The following ARID1B variants were observed in gnomAD, a reference collection of about 807,000 sequenced individuals.
The protein encoded by ARID1B is AT-rich interactive domain-containing protein 1B.
Under a neutral mutation model 212.3 loss-of-function variants are expected in ARID1B, and 30 were observed. The observed-to-expected ratio is 0.14, with a 90% confidence interval of 0.11 to 0.19. The LOEUF (loss-of-function observed/expected upper bound fraction) is 0.19. Ranked by LOEUF, ARID1B falls within the 10% of genes least tolerant of loss-of-function variation. The probability of loss-of-function intolerance (pLI) is 1.00; values close to 1 mark genes in which losing one functional copy is unlikely to be tolerated. For synonymous variants in ARID1B, 1,402 were observed against 1,301.7 expected (o/e 1.08, Z -1.66); for missense variants, 2,891 against 3,204.0 (o/e 0.90, Z 2.36).
intron 18 of ARID1B, among the ~76,000 whole-genome samples, chr6:157,202,896 G>T (rs1398026489): frequency 6.6e-6 from 1 of 152,000 alleles, no homozygotes; most frequent in African/African-American, 2.4e-5. Flanking sequence ...GTGTTTATGT[G>T]TGTATATGTA....
chr6:157,180,907 C>A (rs2128316199), intron 11 of ARID1B, 62 bp from the exon 12 acceptor site: 1 of 1,436,588 alleles, frequency 7.0e-7, no homozygotes, highest in Non-Finnish European at 9.6e-7. Context: ...TTTTTTCTCA[C>A]CTTCTTCCCT....
intron 15 of ARID1B, 47 bp from the exon 16 acceptor site, chr6:157,196,118 A>T (rs2128355455): frequency 6.3e-7 from 1 of 1,599,254 alleles, no homozygotes; most frequent in Non-Finnish European, 8.5e-7. Flanking sequence ...TGGGCCTTTG[A>T]CTTTCAGAAA....
chr6:156,785,009 C>T (rs1362372137), intron 1 of ARID1B, among the ~76,000 whole-genome samples: 1 of 152,176 alleles, frequency 6.6e-6, no homozygotes, highest in Admixed American at 6.5e-5. Context: ...ATCCACCCTC[C>T]TCGGCCTCCC....
At chr6:157,125,318 G>T (rs1178384529) in intron 6 of ARID1B, among the ~76,000 whole-genome samples, 5 of 152,200 alleles carry the variant, frequency 3.3e-5, no homozygotes, top group African/African-American at 1.2e-4. Flanking sequence ...AGGGCAGGAA[G>T]TCGTCAATGC....
chr6:156,814,314 G>T (rs1781814112), intron 1 of ARID1B, among the ~76,000 whole-genome samples: 1 of 152,068 alleles, frequency 6.6e-6, no homozygotes, highest in Non-Finnish European at 1.5e-5. Flanking sequence ...AGCTACTATG[G>T]GGGCTGAGGT....
intron 1 of ARID1B, among the ~76,000 whole-genome samples, chr6:156,782,303 T>G (rs979375216): frequency 9.9e-5 from 15 of 152,046 alleles, no homozygotes; most frequent in Non-Finnish European, 1.8e-4. Flanking sequence ...GGAAATAGTT[T>G]CTATTGGGTG....
At chr6:157,078,347 A>G (rs140316726) in intron 4 of ARID1B, among the ~76,000 whole-genome samples, 74 of 152,318 alleles carry the variant, frequency 4.9e-4, no homozygotes, top group African/African-American at 1.7e-3. Flanking sequence ...TTACTTCCAG[A>G]TGAAGGTAAA....
At chr6:156,876,330 G>C (rs1786544214) in intron 2 of ARID1B, among the ~76,000 whole-genome samples, 1 of 152,154 alleles carries the variant, frequency 6.6e-6, no homozygotes, top group South Asian at 2.1e-4. Context: ...CGGCCCTGTG[G>C]ATTTTAGGTT....
intron 2 of ARID1B, among the ~76,000 whole-genome samples, chr6:156,870,935 C>T (rs988512237): frequency 6.6e-6 from 1 of 152,178 alleles, no homozygotes; most frequent in Admixed American, 6.5e-5. Flanking sequence ...ATCTAACAAA[C>T]CATGTTCCTA....
intron 13 of ARID1B, among the ~76,000 whole-genome samples, chr6:157,187,068 G>A (rs1793025071): frequency 6.6e-6 from 1 of 152,214 alleles, no homozygotes; most frequent in Non-Finnish European, 1.5e-5. Flanking sequence ...AGACTCCCAG[G>A]TGAACCAAGG....
intron 4 of ARID1B, among the ~76,000 whole-genome samples, chr6:157,060,560 T>C (rs1464696967): frequency 6.6e-6 from 1 of 151,220 alleles, no homozygotes; most frequent in Non-Finnish European, 1.5e-5. Context: ...CCACAAAGTT[T>C]CAATCTGGTT....
intron 8 of ARID1B, chr6:157,164,686 G>A (rs1791198310): frequency 6.6e-6 from 1 of 152,044 alleles, no homozygotes; most frequent in Admixed American, 6.5e-5. Flanking sequence ...CTCCTCTCAG[G>A]AGGCTTCCAT....
At chr6:156,813,693 T>C (rs1048549919) in intron 1 of ARID1B, among the ~76,000 whole-genome samples, 2 of 152,232 alleles carry the variant, frequency 1.3e-5, no homozygotes, top group Non-Finnish European at 2.9e-5. Flanking sequence ...TGTCGAACCC[T>C]GTTCTCCAAA....
intron 4 of ARID1B, among the ~76,000 whole-genome samples, chr6:156,989,226 C>T (rs79440053): frequency 1.3e-5 from 2 of 152,330 alleles, no homozygotes; most frequent in East Asian, 1.9e-4. Flanking sequence ...GTCAGCCACA[C>T]TATGTCTCTA....
intron 1 of ARID1B, among the ~76,000 whole-genome samples, chr6:156,811,919 CTTATA>C (rs1255412286): frequency 2.0e-5 from 3 of 152,128 alleles, no homozygotes; most frequent in African/African-American, 7.2e-5. Context: ...CATCATGACC[CTTATA>C]TTATAATATG....
chr6:156,983,094 CAAAAAAAAA>C (rs373895831), intron 4 of ARID1B, among the ~76,000 whole-genome samples: 1 of 109,268 alleles, frequency 9.2e-6, no homozygotes, highest in Non-Finnish European at 1.9e-5. Context: ...GACCCTGTCT[CAAAAAAAAA>C]AAAAGAAAAA....
Position 156,991,106 on chromosome 6 carries a change from C to A in ARID1B, c.2247+55530C>A, listed in dbSNP as rs927474. Among the ~76,000 whole-genome samples, 46 of 152,256 alleles carry A rather than the reference C, an allele frequency of 3.0e-4. 2 individuals carry two copies. The South Asian group carries it at 4.8e-3, about 16-fold the overall frequency. On this transcript the variant is annotated intron_variant, in intron 4 of 19. Transcript: ENST00000636930. ...TCTGAGGAGCAGTAACTTGACTTGC[C>A]GACTGTTGCACAGTTGGTACACATG...
At chr6:157,038,569 T>C (rs1483877447) in intron 4 of ARID1B, among the ~76,000 whole-genome samples, 3 of 152,198 alleles carry the variant, frequency 2.0e-5, no homozygotes, top group African/African-American at 7.2e-5. Context: ...ATAACCCTAA[T>C]AAATTTTTTA....
chr6:157,050,300 C>T (rs1204022556), intron 4 of ARID1B, among the ~76,000 whole-genome samples: 2 of 152,174 alleles, frequency 1.3e-5, no homozygotes, highest in Non-Finnish European at 2.9e-5. Flanking sequence ...AATCCCAGCA[C>T]TTTGGGAGGC....
Sources: gnomAD v4.1 joint callset for allele counts (sites outside exome capture counted in the v4.1 genomes callset) on GRCh38, gnomAD v4.1.1 for gene constraint, MANE v1.5 for transcripts, NCBI Gene and HGNC (gene_info 2026-07-23, HGNC 2026-07-21) for gene names.